POLA1: variants seen among roughly 807,000 people sequenced by gnomAD.
POLA1 encodes the protein DNA polymerase alpha 1, catalytic subunit.
Under a neutral mutation model 124.0 loss-of-function variants are expected in POLA1, and 15 were observed. The observed-to-expected ratio is 0.12, with a 90% CI of 0.08 to 0.19. POLA1 has a LOEUF of 0.19. Among genes scored for constraint, POLA1 ranks in the 10% least tolerant of loss-of-function variants. The probability of loss-of-function intolerance (pLI) is 1.00; values close to 1 mark genes in which losing one functional copy is unlikely to be tolerated. For synonymous variants in POLA1, 408 were observed against 389.4 expected (o/e 1.05, Z -0.56); for missense variants, 886 against 1,103.4 (o/e 0.80, Z 2.79).
intron 36 of POLA1, among the ~76,000 whole-genome samples, chrX:24,951,309 T>C (rs2048037668): frequency 2.2e-5 from 2 of 92,766 alleles, no homozygotes; most frequent in African/African-American, 4.1e-5. Context: ...GTTTGATCAC[T>C]ATACAGATAC....
intron 35 of POLA1, among the ~76,000 whole-genome samples, chrX:24,927,818 GA>G (rs1423800615): frequency 1.8e-5 from 2 of 111,965 alleles, no homozygotes; most frequent in Non-Finnish European, 1.9e-5. Flanking sequence ...TAAGTGTGAG[GA>G]AAAAAACGCT....
intron 35 of POLA1, among the ~76,000 whole-genome samples, chrX:24,919,833 T>G (rs1474461932): frequency 6.1e-4 from 50 of 82,436 alleles, no homozygotes; most frequent in African/African-American, 2.5e-3. Flanking sequence ...TTTTTTTTTG[T>G]TTTGTTTTTC....
intron 20 of POLA1, among the ~76,000 whole-genome samples, chrX:24,739,811 T>C (rs1282153881): frequency 1.8e-5 from 2 of 112,463 alleles, no homozygotes; most frequent in Non-Finnish European, 3.8e-5. Flanking sequence ...TCTTAATTCA[T>C]TTATTCAGGA....
chrX:24,919,819 T>A (rs2047587477), intron 35 of POLA1, among the ~76,000 whole-genome samples: 1 of 94,053 alleles, frequency 1.1e-5, no homozygotes, highest in African/African-American at 4.2e-5. Context: ...TTTTTTTTTT[T>A]GTTTTTTTTT....
At chrX:24,957,123 G>C (rs970435547) in intron 36 of POLA1, among the ~76,000 whole-genome samples, 5 of 111,712 alleles carry the variant, frequency 4.5e-5, no homozygotes, top group African/African-American at 1.6e-4. Context: ...GATTTTAGTA[G>C]TGTGTTATGG....
intron 11 of POLA1, among the ~76,000 whole-genome samples, chrX:24,723,893 C>G (rs369896199): frequency 8.9e-6 from 1 of 112,405 alleles, no homozygotes; most frequent in South Asian, 3.7e-4. Flanking sequence ...GTTGATCAGG[C>G]TGGTCTCAAA....
chrX:24,860,486 G>A (rs960905186), intron 34 of POLA1, among the ~76,000 whole-genome samples: 8 of 112,867 alleles, frequency 7.1e-5, no homozygotes, highest in Admixed American at 4.7e-4. Flanking sequence ...GTATGGCCTT[G>A]ATTTCAGGGA....
At chrX:24,812,924 A>T in intron 29 of POLA1, 61 bp downstream of exon 29, 4 of 621,477 alleles carry the variant, frequency 6.4e-6, no homozygotes, top group Non-Finnish European at 1.0e-5. Flanking sequence ...GGTGTGAATG[A>T]TGTAGAGAAT....
intron 34 of POLA1, among the ~76,000 whole-genome samples, chrX:24,872,076 C>T (rs2046873117): frequency 1.8e-5 from 2 of 111,341 alleles, no homozygotes; most frequent in South Asian, 7.5e-4. Flanking sequence ...TGATAAATAT[C>T]ACATTTTGAA....
At position 24,978,675 on chromosome X, in the gene POLA1, T is replaced by C. The variant is rs180862406; in HGVS notation, c.4262-17130T>C. Among the ~76,000 whole-genome samples the C allele has an allele frequency of 3.6e-5, 4 of 112,099 alleles. 1 individual carries two copies. The Admixed American group carries it at 3.8e-4, about 11-fold the overall frequency. ...GGTCCGGAGAGGTTTAAAAGCCTGC[T>C]CAAGGTAACATAGCAAGTTAATGGC... is the stretch of plus-strand genomic sequence containing the variant. On this transcript the variant is annotated intron_variant, in intron 36 of 36. Transcript: ENST00000379068.
intron 4 of POLA1, among the ~76,000 whole-genome samples, chrX:24,705,697 C>G (rs564172292): frequency 1.9e-4 from 21 of 110,048 alleles, no homozygotes; most frequent in Middle Eastern, 9.3e-3. Context: ...AACACCTCCC[C>G]CCCTCCCCTG....
At chrX:24,734,025 G>T in intron 17 of POLA1, 1 of 297,224 alleles carries the variant, frequency 3.4e-6, no homozygotes, top group African/African-American at 2.7e-5. Context: ...TGAAAATAAT[G>T]GGATTCTGTA....
intron 26 of POLA1, among the ~76,000 whole-genome samples, chrX:24,779,102 G>C (rs182022528): frequency 7.3e-5 from 8 of 108,974 alleles, no homozygotes; most frequent in African/African-American, 2.7e-4. Flanking sequence ...TTTTGAGATG[G>C]AGTCTCACTC....
At chrX:24,800,456 A>T (rs1248743361) in intron 26 of POLA1, among the ~76,000 whole-genome samples, 1 of 108,729 alleles carries the variant, frequency 9.2e-6, no homozygotes, top group Admixed American at 9.9e-5. Context: ...TTAACTGGGG[A>T]TGTAATATTT....
At chrX:24,849,806 A>G (rs1337983039) in intron 34 of POLA1, among the ~76,000 whole-genome samples, 1 of 110,163 alleles carries the variant, frequency 9.1e-6, no homozygotes, top group African/African-American at 3.3e-5. Flanking sequence ...AATTTTTTGT[A>G]TTTTTAGTAG....
At position 24,716,374 on chromosome X, in the gene POLA1, A is replaced by T. The variant is rs754392078; in HGVS notation, c.538A>T (p.Thr180Ser). Residue 180 changes from threonine to serine, a missense_variant, in exon 7 of 37, where the codon ACT becomes TCT. By Grantham distance (58) the Thr-to-Ser change is moderately conservative. Around this residue, in one of 7 missense-constraint regions of POLA1, gnomAD observed 337 missense variants for 402.8 expected, o/e 0.84. Transcript: ENST00000379068. ...CCTTTCCTTTTAGACACCTCAAATA[A>T]CTCCACCACCTGTAATGATACTGAA... Reference protein sequence around the residue: ...QDLNTETPQITPPPVMILKKK... With the variant: ...QDLNTETPQISPPPVMILKKK... The T allele has an allele frequency of 1.7e-5, 20 of 1,163,101 alleles. No individual in the cohort carries two copies. The highest frequency in any genetic ancestry group is 2.3e-5 in the Non-Finnish European group (20 of 852,347).
intron 35 of POLA1, among the ~76,000 whole-genome samples, chrX:24,892,612 T>C (rs749508044): frequency 3.6e-5 from 4 of 111,717 alleles, no homozygotes; most frequent in African/African-American, 6.5e-5. Flanking sequence ...AAATAAAGCT[T>C]TCTGGTTTTG....
intron 11 of POLA1, 87 bp downstream of exon 11, chrX:24,723,354 A>C: frequency 1.8e-6 from 1 of 571,179 alleles, no homozygotes; most frequent in Non-Finnish European, 3.0e-6. Context: ...CTCTTTCAAT[A>C]GGGCTACAAA....
rs376350416 is a variant in POLA1, at chrX:24,714,571, C to T, written c.364C>T (p.Arg122Cys). 4.3e-5 allele frequency: 51 copies of T among 1,178,516 alleles called. No individual in the cohort carries two copies. Among genetic ancestry groups the T allele is most frequent in the East Asian group, 6.0e-5 (2 of 33,544 alleles). The change falls in exon 5 of 37, where the codon CGC (arginine) becomes TGC (cysteine). Residue 122 changes from arginine to cysteine, a missense_variant. Around this residue, in one of 7 missense-constraint regions of POLA1, gnomAD observed 337 missense variants for 402.8 expected, o/e 0.84. Transcript: ENST00000379068. The part of the protein sequence containing the change: ...ADEKGKDGKA[R>C]NKDKRNVKKL... ...TCCAATAGGAAAAGATGGTAAAGCA[C>T]GCAATAAAGACAAGAGGAATGTAAA...
Sources: gnomAD v4.1 joint callset for allele counts (sites outside exome capture counted in the v4.1 genomes callset) on GRCh38, gnomAD v4.1.1 for gene constraint, gnomAD v4.1.1 regional missense constraint, MANE v1.5 for transcripts, NCBI Gene and HGNC (gene_info 2026-07-23, HGNC 2026-07-21) for gene names.